Variants in SCML4 observed in about 807,000 individuals in gnomAD.
SCML4 encodes the protein sex comb on midleg-like protein 4.
A neutral mutation model predicts 41.1 loss-of-function variants in SCML4; 34 were observed. The observed-to-expected ratio is 0.83, with a 90% CI of 0.63 to 1.10. SCML4 has a LOEUF of 1.10. SCML4 is among the 50% of genes least tolerant of loss of function. The pLI, the probability that SCML4 is intolerant of heterozygous loss-of-function variation, is 0.00. For synonymous variants in SCML4, 214 were observed against 220.9 expected, an observed-to-expected ratio of 0.97 and a Z score of 0.28; for missense variants, 522 against 534.1, an observed-to-expected ratio of 0.98 and a Z score of 0.22.
chr6:107,717,317 G>C (rs966443989), intron 6 of SCML4, among the ~76,000 whole-genome samples: 14 of 148,650 alleles, frequency 9.4e-5, no homozygotes, highest in Admixed American at 9.4e-4. Flanking sequence ...AGGAATCTTC[G>C]GAGAATTAAA....
At chr6:107,822,335 A>AC (rs892080065) in intron 1 of SCML4, among the ~76,000 whole-genome samples, 1 of 152,004 alleles carries the variant, frequency 6.6e-6, no homozygotes, top group Non-Finnish European at 1.5e-5. Context: ...ACAGCCTTTC[A>AC]CCCTCACCCC....
At chr6:107,749,534 G>A (rs1234959214) in intron 3 of SCML4, 150 bp downstream of exon 3, 5 of 886,128 alleles carry the variant, frequency 5.6e-6, no homozygotes, top group East Asian at 2.5e-5. Context: ...AAAGACTCTG[G>A]TCATCCTGTC....
chr6:107,747,302 C>A (rs1041324794), intron 3 of SCML4, among the ~76,000 whole-genome samples: 1 of 152,150 alleles, frequency 6.6e-6, no homozygotes, highest in Non-Finnish European at 1.5e-5. Flanking sequence ...CTTTGTTAAC[C>A]GTCTACGAAC....
At chr6:107,705,382 C>T in intron 7 of SCML4, 57 bp from the exon 8 acceptor site, 3 of 1,522,612 alleles carry the variant, frequency 2.0e-6, no homozygotes, top group Middle Eastern at 2.0e-4. Context: ...AGTCATCGAA[C>T]AGTGGCTAAG....
At chr6:107,812,915 A>ACACACACG (rs202005178) in intron 1 of SCML4, among the ~76,000 whole-genome samples, 2 of 147,726 alleles carry the variant, frequency 1.4e-5, no homozygotes, top group Non-Finnish European at 3.0e-5. Flanking sequence ...ACACACACAC[A>ACACACACG]TACCCTATTG....
chr6:107,832,062 CA>C, the SCML4 span, among the ~76,000 whole-genome samples: 50 of 133,828 alleles, frequency 3.7e-4, no homozygotes, highest in African/African-American at 5.7e-4. Context: ...GACTCTGTCT[CA>C]AAAAAAAAAA....
the SCML4 span, among the ~76,000 whole-genome samples, chr6:107,833,007 A>C: frequency 0.11 from 16,310 of 152,242 alleles, 1,241 homozygotes; most frequent in Non-Finnish European, 0.17. Context: ...AGATTATGAA[A>C]GTGAGTCTAG....
intron 6 of SCML4, chr6:107,720,091 CT>C: frequency 1.0e-6 from 1 of 985,474 alleles, no homozygotes; most frequent in Non-Finnish European, 1.2e-6. Context: ...TATTTGTATC[CT>C]GAAGGTGACA....
intron 1 of SCML4, among the ~76,000 whole-genome samples, chr6:107,799,498 T>C (rs578096848): frequency 1.3e-5 from 2 of 152,304 alleles, no homozygotes; most frequent in South Asian, 2.1e-4. Flanking sequence ...ATCTTGTTTT[T>C]GTTATTCAGT....
At chr6:107,772,134 C>A in intron 2 of SCML4, 38 bp downstream of exon 2, 2 of 1,524,576 alleles carry the variant, frequency 1.3e-6, no homozygotes, top group African/African-American at 1.4e-5. Context: ...GTGCCCCAGC[C>A]CAATACCACT....
intron 5 of SCML4, among the ~76,000 whole-genome samples, chr6:107,743,294 C>T (rs1008161066): frequency 6.6e-6 from 1 of 152,094 alleles, no homozygotes; most frequent in African/African-American, 2.4e-5. Context: ...CCAGAAAAGC[C>T]AATACTTGTT....
At chr6:107,721,184 C>T (rs1277857885) in intron 5 of SCML4, among the ~76,000 whole-genome samples, 191 bp from the exon 6 acceptor site, 1 of 152,180 alleles carries the variant, frequency 6.6e-6, no homozygotes, top group Admixed American at 6.5e-5. Flanking sequence ...CTGCTTTGCC[C>T]ACAGGAGCAT....
At chr6:107,759,696 A>T (rs1182015629) in intron 2 of SCML4, among the ~76,000 whole-genome samples, 1 of 152,212 alleles carries the variant, frequency 6.6e-6, no homozygotes, top group African/African-American at 2.4e-5. Context: ...ATTATTGGGC[A>T]ATAATACTGG....
intron 1 of SCML4, among the ~76,000 whole-genome samples, chr6:107,782,620 A>C (rs1781595142): frequency 6.6e-6 from 1 of 151,530 alleles, no homozygotes; most frequent in Non-Finnish European, 1.5e-5. Flanking sequence ...CAGCTGCTGG[A>C]TAAGTTTGCC....
Position 107,741,951 on chromosome 6 carries a change from G to C in SCML4, c.682+2998C>G, listed in dbSNP as rs148510623. Among the ~76,000 whole-genome samples, 284 of 152,292 alleles carry C rather than the reference G, an allele frequency of 1.9e-3. 1 individual carries two copies. Among genetic ancestry groups the C allele is most frequent in the African/African-American group, 6.6e-3 (273 of 41,552 alleles). On this transcript the variant is annotated intron_variant, in intron 5 of 7. Transcript: ENST00000369020. ...TGGGCAAGGCAAGGGACCAGAAACC[G>C]ACCCTAATAAGATGGTAACACGTGA...
At chr6:107,831,411 C>CAAAAAAAAA in the SCML4 span, among the ~76,000 whole-genome samples, 1 of 107,504 alleles carries the variant, frequency 9.3e-6, no homozygotes, top group Admixed American at 1.1e-4. Context: ...TTTTCATTCT[C>CAAAAAAAAA]AAAAAAAAAA....
intron 1 of SCML4, among the ~76,000 whole-genome samples, chr6:107,798,278 T>A (rs1305144363): frequency 1.3e-5 from 2 of 152,014 alleles, no homozygotes; most frequent in African/African-American, 4.8e-5. Context: ...GAAAAGTTTT[T>A]AATTATAAAT....
intron 3 of SCML4, 77 bp downstream of exon 3, chr6:107,749,607 A>G: frequency 6.5e-7 from 1 of 1,548,564 alleles, no homozygotes; most frequent in Non-Finnish European, 8.8e-7. Flanking sequence ...TCTTTAATCC[A>G]CAAAGTAACA....
intron 6 of SCML4, among the ~76,000 whole-genome samples, chr6:107,711,792 A>C (rs1347879114): frequency 6.6e-6 from 1 of 152,182 alleles, no homozygotes; most frequent in Non-Finnish European, 1.5e-5. Flanking sequence ...AGAAGCCTTC[A>C]CTTTATTTCC....
Sources: gnomAD v4.1 joint callset for allele counts (sites outside exome capture counted in the v4.1 genomes callset) on GRCh38, gnomAD v4.1.1 for gene constraint, MANE v1.5 for transcripts, NCBI Gene and HGNC (gene_info 2026-07-23, HGNC 2026-07-21) for gene names.